The following RBFOX2 variants were observed in gnomAD, a reference collection of about 807,000 sequenced individuals.
RBFOX2 encodes the protein RNA binding protein fox-1 homolog 2.
Under a neutral mutation model 49.1 loss-of-function variants are expected in RBFOX2, and 10 were observed. The ratio of observed to expected loss-of-function variants is 0.20; its 90% CI spans 0.13 to 0.35. The LOEUF (loss-of-function observed/expected upper bound fraction) is 0.35, where lower values mean the gene tolerates loss of function less well. Among genes scored for constraint, RBFOX2 ranks in the 10% least tolerant of loss-of-function variants. The pLI is 1.00. For synonymous variants in RBFOX2, 183 were observed against 187.4 expected (o/e 0.98, Z 0.19); for missense variants, 323 against 486.9 (o/e 0.66, Z 3.17).
chr22:35,752,765 A>C (rs1283259551), intron 9 of RBFOX2: 1 of 444,892 alleles, frequency 2.2e-6, no homozygotes, highest in Non-Finnish European at 3.0e-6. Flanking sequence ...CTTTGGATGC[A>C]AGCATGCTTT....
intron 1 of RBFOX2, among the ~76,000 whole-genome samples, chr22:35,874,549 G>A (rs561189974): frequency 6.6e-6 from 1 of 152,250 alleles, no homozygotes; most frequent in Non-Finnish European, 1.5e-5. Flanking sequence ...ATCTTAGGGA[G>A]GGAAGAAAAT....
At chr22:35,858,001 G>T (rs906615668) in intron 1 of RBFOX2, among the ~76,000 whole-genome samples, 2 of 152,160 alleles carry the variant, frequency 1.3e-5, no homozygotes, top group African/African-American at 4.8e-5. Flanking sequence ...ATCTAGAAAG[G>T]TTAAAGAAAA....
intron 5 of RBFOX2, among the ~76,000 whole-genome samples, chr22:35,767,421 T>C (rs1941332067): frequency 6.6e-6 from 1 of 151,528 alleles, no homozygotes; most frequent in Admixed American, 6.6e-5. Flanking sequence ...AAAGAGTGAG[T>C]CAAGTGAAGG....
At chr22:35,881,397 CCA>C (rs1329498539) in intron 1 of RBFOX2, among the ~76,000 whole-genome samples, 1 of 151,826 alleles carries the variant, frequency 6.6e-6, no homozygotes. Context: ...GGCAACACAG[CCA>C]CAGACTTGTC....
intron 1 of RBFOX2, among the ~76,000 whole-genome samples, chr22:35,878,701 C>A (rs908644953): frequency 2.6e-5 from 4 of 152,196 alleles, no homozygotes; most frequent in African/African-American, 9.6e-5. Context: ...CTTGGCCTCC[C>A]AAAGTCTTGG....
At chr22:35,857,378 G>A (rs2042630175) in intron 1 of RBFOX2, among the ~76,000 whole-genome samples, 4 of 152,126 alleles carry the variant, frequency 2.6e-5, no homozygotes, top group South Asian at 2.1e-4. Flanking sequence ...GAATAAAGAA[G>A]GTATAGATAT....
At chr22:35,828,281 T>A (rs1437165563) in intron 1 of RBFOX2, among the ~76,000 whole-genome samples, 1 of 152,074 alleles carries the variant, frequency 6.6e-6, no homozygotes, top group African/African-American at 2.4e-5. Context: ...GGACAGAGAT[T>A]CCAGAGTCAG....
chr22:35,748,395 G>C (rs889734306), intron 9 of RBFOX2: 3 of 152,110 alleles, frequency 2.0e-5, no homozygotes, highest in African/African-American at 7.2e-5. Context: ...GATCAACATG[G>C]TTCCTTGGAA....
chr22:35,951,909 G>A (rs1176207499), intron 1 of RBFOX2, among the ~76,000 whole-genome samples: 1 of 152,162 alleles, frequency 6.6e-6, no homozygotes, highest in Non-Finnish European at 1.5e-5. Context: ...ATGTGAAAAA[G>A]AATTAACGTA....
rs144627809 is a variant in RBFOX2, at chr22:35,976,336, A to AC, written c.187-37440dup. Among the ~76,000 whole-genome samples, 121 of 145,800 alleles carry AC rather than the reference A, an allele frequency of 8.3e-4. 1 individual carries two copies. The Middle Eastern group carries it at 0.014, about 17-fold the overall frequency. ...AAAAACTCTGACCACCACCACCACCACCCCCCCCTCTTAATTCTTCCCTCA... is the reference window on the plus strand; with the variant it reads ...AAAAACTCTGACCACCACCACCACCACCCCCCCCCTCTTAATTCTTCCCTCA... On this transcript the variant is annotated intron_variant, in intron 1 of 13. Transcript: ENST00000438146.
At chr22:36,009,627 G>A (rs988318208) in intron 1 of RBFOX2, among the ~76,000 whole-genome samples, 2 of 152,072 alleles carry the variant, frequency 1.3e-5, no homozygotes, top group African/African-American at 2.4e-5. Flanking sequence ...GGGCTCAAGT[G>A]ACCCACCCGC....
At chr22:35,911,842 T>C (rs141148871) in intron 1 of RBFOX2, among the ~76,000 whole-genome samples, 2,455 of 152,264 alleles carry the variant, frequency 0.016, 29 homozygotes, top group Non-Finnish European at 0.024. Context: ...CCCCACTCCA[T>C]ACTCTGGATA....
intron 1 of RBFOX2, among the ~76,000 whole-genome samples, chr22:35,853,564 G>A (rs2042182575): frequency 6.6e-6 from 1 of 151,882 alleles, no homozygotes; most frequent in Admixed American, 6.6e-5. Flanking sequence ...TATACGTAAT[G>A]TATTGGTTGA....
chr22:35,908,697 A>G (rs1395770286), intron 1 of RBFOX2, among the ~76,000 whole-genome samples: 1 of 152,164 alleles, frequency 6.6e-6, no homozygotes, highest in Non-Finnish European at 1.5e-5. Flanking sequence ...TGTTATCATT[A>G]CAATTACCAC....
intron 1 of RBFOX2, among the ~76,000 whole-genome samples, chr22:35,892,375 A>T (rs1387793089): frequency 6.6e-6 from 1 of 152,214 alleles, no homozygotes; most frequent in Non-Finnish European, 1.5e-5. Context: ...AGGATGACTC[A>T]ACAGGAAAGC....
At chr22:35,827,800 A>T (rs1956057920) in intron 1 of RBFOX2, among the ~76,000 whole-genome samples, 1 of 152,210 alleles carries the variant, frequency 6.6e-6, no homozygotes, top group Non-Finnish European at 1.5e-5. Context: ...AATATATTCA[A>T]TGCAACACTG....
At chr22:35,794,413 C>T in intron 2 of RBFOX2, among the ~76,000 whole-genome samples, 1 of 152,084 alleles carries the variant, frequency 6.6e-6, no homozygotes. Flanking sequence ...AATCCCAGCA[C>T]TTTGGGAGGC....
At chr22:36,013,365 G>A (rs2058899202) in intron 1 of RBFOX2, among the ~76,000 whole-genome samples, 1 of 152,134 alleles carries the variant, frequency 6.6e-6, no homozygotes, top group Non-Finnish European at 1.5e-5. Context: ...AATAAAAATG[G>A]CTATTACATA....
intron 1 of RBFOX2, among the ~76,000 whole-genome samples, chr22:35,872,708 G>A (rs114980066): frequency 6.8e-4 from 104 of 152,262 alleles, no homozygotes; most frequent in African/African-American, 2.5e-3. Flanking sequence ...CTCCCTTGAC[G>A]TCCTCCCACC....
Sources: gnomAD v4.1 joint callset for allele counts (sites outside exome capture counted in the v4.1 genomes callset) on GRCh38, gnomAD v4.1.1 for gene constraint, MANE v1.5 for transcripts, NCBI Gene and HGNC (gene_info 2026-07-23, HGNC 2026-07-21) for gene names.